The following ELAVL4 variants were observed in gnomAD, a reference collection of about 807,000 sequenced individuals.
ELAVL4 encodes ELAV-like protein 4.
A neutral mutation model predicts 35.6 loss-of-function variants in ELAVL4; 1 was observed. The ratio of observed to expected loss-of-function variants is 0.03; its 90% CI spans 0.01 to 0.13. The LOEUF (loss-of-function observed/expected upper bound fraction) is 0.13, where lower values mean the gene tolerates loss of function less well. Ranked by LOEUF, ELAVL4 falls within the 10% of genes least tolerant of loss-of-function variation. The pLI is 1.00. For missense variants in ELAVL4, 267 were observed against 464.9 expected (o/e 0.57, Z 3.91); for synonymous variants, 156 against 171.0 (o/e 0.91, Z 0.69).
chr1:50,071,221 C>T lies in ELAVL4; in HGVS notation c.18+23039C>T, dbSNP rs529328793. Among the ~76,000 whole-genome samples, 400 of 152,298 alleles carry T rather than the reference C, an allele frequency of 2.6e-3. 3 individuals carry two copies. Among genetic ancestry groups the T allele is most frequent in the African/African-American group, 9.3e-3 (388 of 41,576 alleles). On this transcript the variant is annotated intron_variant, in intron 1 of 6. Transcript: ENST00000448907. ...CTTGTTTTCCTTATACTACTTATTGCTATCTAAAACTATTTTAATTTTTTA... is the reference window on the plus strand; with the variant it reads ...CTTGTTTTCCTTATACTACTTATTGTTATCTAAAACTATTTTAATTTTTTA...
chr1:50,157,524 C>T (rs1675972406), intron 2 of ELAVL4, among the ~76,000 whole-genome samples: 1 of 152,212 alleles, frequency 6.6e-6, no homozygotes, highest in Non-Finnish European at 1.5e-5. Context: ...CTCTCTCAGA[C>T]ATCAGTGTCT....
At chr1:50,049,884 T>G (rs1418029699) in intron 1 of ELAVL4, among the ~76,000 whole-genome samples, 1 of 152,190 alleles carries the variant, frequency 6.6e-6, no homozygotes, top group Non-Finnish European at 1.5e-5. Context: ...AACCTTTACT[T>G]GCTTGCTAAG....
chr1:50,176,353 G>A lies in ELAVL4; in HGVS notation c.251-736G>A, dbSNP rs568178887. Among the ~76,000 whole-genome samples, 9 of 152,228 alleles carry A rather than the reference G, an allele frequency of 5.9e-5. No homozygotes were observed. In the East Asian group the frequency reaches 9.7e-4, roughly 16 times the overall value. On this transcript the variant is annotated intron_variant, in intron 2 of 6. Coordinates refer to ENST00000371824, the MANE Select transcript of ELAVL4 (RefSeq NM_001144774.3). ...GAATGATGAGGGTAAAGAATGATTTGTAGCAACTGCTTTGAATTCTAGCCA... is the reference window on the plus strand; with the variant it reads ...GAATGATGAGGGTAAAGAATGATTTATAGCAACTGCTTTGAATTCTAGCCA...
chr1:50,175,825 C>T (rs546181033), intron 2 of ELAVL4: 2 of 152,374 alleles, frequency 1.3e-5, no homozygotes, highest in African/African-American at 2.4e-5. Context: ...GGGCTCCTGT[C>T]ACCAGGACAT....
At chr1:50,182,101 CT>C (rs1681132103) in intron 3 of ELAVL4, among the ~76,000 whole-genome samples, 1 of 152,252 alleles carries the variant, frequency 6.6e-6, no homozygotes, top group Non-Finnish European at 1.5e-5. Flanking sequence ...TGTCCCAGGC[CT>C]GACCTTCTGT....
upstream of ELAVL4, among the ~76,000 whole-genome samples, chr1:50,101,822 T>C (rs1665993373): frequency 6.6e-6 from 1 of 152,226 alleles, no homozygotes; most frequent in African/African-American, 2.4e-5. Context: ...AAGAGATATC[T>C]TACTTTTAGA....
At chr1:50,059,456 A>G (rs1663844466) in intron 1 of ELAVL4, among the ~76,000 whole-genome samples, 1 of 152,156 alleles carries the variant, frequency 6.6e-6, no homozygotes, top group South Asian at 2.1e-4. Flanking sequence ...AAACACATAA[A>G]AAGATGTTCA....
chr1:50,167,858 C>T (rs761317434), intron 2 of ELAVL4, among the ~76,000 whole-genome samples: 18 of 152,186 alleles, frequency 1.2e-4, no homozygotes, highest in Non-Finnish European at 2.5e-4. Flanking sequence ...GAGGTCCATC[C>T]ACATACCTCT....
In ELAVL4 at chr1:50,201,368, T is replaced by G. The variant is rs1301076381; in HGVS notation, c.*190T>G. ...TATCCTGAGGTGTACCAGGAAAGGA[T>G]TTTATAATGCTTAGAAAAAAAGAAA... is the stretch of plus-strand genomic sequence containing the variant. On this transcript the variant is annotated 3_prime_UTR_variant, in exon 7 of 7. Transcript: ENST00000371824. This position sits in a 1 kb window ranked among gnomAD's most constrained non-coding sequence, Gnocchi z 4.3. 9.5e-6 allele frequency: 5 copies of G among 526,488 alleles called. No individual in the cohort carries two copies. In the Admixed American group the frequency reaches 2.0e-4, roughly 21 times the overall value. 32.6% of individuals were successfully genotyped at this position (526,488 alleles called of 1,614,324 possible).
At chr1:50,093,388 G>A (rs1323486390) in intron 1 of ELAVL4, among the ~76,000 whole-genome samples, 1 of 152,214 alleles carries the variant, frequency 6.6e-6, no homozygotes. Flanking sequence ...GACCATACTG[G>A]CACATTTTAA....
intron 1 of ELAVL4, among the ~76,000 whole-genome samples, chr1:50,090,242 C>T (rs1665429295): frequency 6.6e-6 from 1 of 152,022 alleles, no homozygotes; most frequent in African/African-American, 2.4e-5. Context: ...ATAAATGAAA[C>T]TCTCACATAT....
chr1:50,062,350 A>G (rs1664032489), intron 1 of ELAVL4, among the ~76,000 whole-genome samples: 1 of 151,942 alleles, frequency 6.6e-6, no homozygotes, highest in East Asian at 1.9e-4. Context: ...CTCTGAATGG[A>G]CTACTCTTCC....
At chr1:50,137,177 G>GGACTT (rs1307108800) in intron 1 of ELAVL4, among the ~76,000 whole-genome samples, 1 of 152,070 alleles carries the variant, frequency 6.6e-6, no homozygotes, top group Non-Finnish European at 1.5e-5. Context: ...AACAGTTTGT[G>GGACTT]GACTTTCCAT....
Position 50,109,015 on chromosome 1 carries a change from T to TCGGGGC in ELAVL4, c.-174_-173insGGGGCC. 2.1e-6 allele frequency: 2 copies of TCGGGGC among 961,056 alleles called. No homozygotes were observed. Among genetic ancestry groups the TCGGGGC allele is most frequent in the Non-Finnish European group, 2.4e-6 (2 of 816,936 alleles). The allele number at this position is 961,056 out of a possible 1,614,324, so 59.5% of individuals were successfully genotyped here. A position where few individuals can be genotyped will look rare whatever the true frequency, so the allele number is the denominator to read the frequency against. On this transcript the variant is annotated 5_prime_UTR_variant, in exon 1 of 7. Coordinates refer to ENST00000371824, the MANE Select transcript of ELAVL4 (RefSeq NM_001144774.3). ...GCTCCTTTTCTTTTTTTTCTTTCTC[T>TCGGGGC]CCCCCGCCCACCCCCCCAAAAATAA...
chr1:50,048,723 T>C (rs1381564740), intron 1 of ELAVL4, among the ~76,000 whole-genome samples: 1 of 152,180 alleles, frequency 6.6e-6, no homozygotes, highest in Non-Finnish European at 1.5e-5. Context: ...CCCTCCCCTA[T>C]CTTTCCTCTA....
At chr1:50,070,107 T>C (rs1287227821) in intron 1 of ELAVL4, among the ~76,000 whole-genome samples, 2 of 152,220 alleles carry the variant, frequency 1.3e-5, no homozygotes, top group African/African-American at 2.4e-5. Flanking sequence ...GCAACAGGAT[T>C]CCTTGTTTTC....
chr1:50,196,652 G>T (rs1342938526), intron 5 of ELAVL4, among the ~76,000 whole-genome samples: 1 of 152,056 alleles, frequency 6.6e-6, no homozygotes, highest in Non-Finnish European at 1.5e-5. Context: ...ATCCTCTTTC[G>T]TGTCCTCCTA....
chr1:50,142,043 G>A (rs1395775418), intron 1 of ELAVL4, among the ~76,000 whole-genome samples: 1 of 152,210 alleles, frequency 6.6e-6, no homozygotes, highest in East Asian at 1.9e-4. Context: ...TGGGCCCTTT[G>A]TATTTTAGAC....
At chr1:50,103,322 C>G (rs1328504369), upstream of ELAVL4, among the ~76,000 whole-genome samples, 1 of 152,044 alleles carries the variant, frequency 6.6e-6, no homozygotes, top group African/African-American at 2.4e-5. Flanking sequence ...AGAGAACATT[C>G]GACAGTGAAT....
Sources: allele counts gnomAD v4.1 joint callset (sites outside exome capture counted in the v4.1 genomes callset), GRCh38; gene constraint gnomAD v4.1.1; non-coding constraint Gnocchi (gnomAD v3.1); transcripts MANE v1.5; gene names NCBI Gene and HGNC (gene_info 2026-07-23, HGNC 2026-07-21).